Variants in SLC26A7 observed in about 807,000 individuals in gnomAD.
The protein encoded by SLC26A7 is solute carrier family 26 member 7.
A neutral mutation model predicts 82.5 loss-of-function variants in SLC26A7; 59 were observed. That is an observed-to-expected ratio of 0.72 (90% CI 0.58 to 0.89). The LOEUF (loss-of-function observed/expected upper bound fraction) is 0.89, where lower values mean the gene tolerates loss of function less well. Among genes scored for constraint, SLC26A7 ranks in the 40% least tolerant of loss-of-function variants. The pLI is 0.00. For synonymous variants in SLC26A7, 271 were observed against 274.3 expected, an observed-to-expected ratio of 0.99 and a Z score of 0.12; for missense variants, 820 against 793.0, an observed-to-expected ratio of 1.03 and a Z score of -0.41.
rs1036158584 is a variant in SLC26A7, at chr8:91,396,325, G to A, written c.*1228G>A. 18 of 151,848 alleles carry A rather than the reference G, an allele frequency of 1.2e-4. No individual in the cohort carries two copies. The highest frequency in any genetic ancestry group is 2.7e-4 in the African/African-American group (11 of 41,356). The allele number at this position is 151,848 out of a possible 1,614,324, so 9.4% of individuals were successfully genotyped here. ...TTAAGCTTTTAACAGCATTTTAACCGCTCTAAAAATTACCAGAGTAAGAAA... is the reference window on the plus strand; with the variant it reads ...TTAAGCTTTTAACAGCATTTTAACCACTCTAAAAATTACCAGAGTAAGAAA... On this transcript the variant is annotated 3_prime_UTR_variant, in exon 19 of 19. Transcript: ENST00000276609.
Position 91,254,299 on chromosome 8 carries a change from C to T in SLC26A7, c.193+4455C>T, listed in dbSNP as rs565502917. On this transcript the variant is annotated intron_variant, in intron 2 of 18. Coordinates refer to ENST00000276609, the MANE Select transcript of SLC26A7 (RefSeq NM_052832.4). ...GAGCCTCCTTGTTTGCCACAGCACC[C>T]ACCATTCACAGGTTCACTGCCACTC... 3.3e-5 allele frequency among the ~76,000 whole-genome samples: 5 copies of T among 152,192 alleles called. No homozygotes were observed. The South Asian group carries it at 1.0e-3, about 32-fold the overall frequency.
At chr8:91,322,958 A>T (rs566963376) in intron 5 of SLC26A7, among the ~76,000 whole-genome samples, 1 of 152,204 alleles carries the variant, frequency 6.6e-6, no homozygotes, top group Non-Finnish European at 1.5e-5. Flanking sequence ...ATAAAATGGG[A>T]TAGAAATGTC....
chr8:91,325,504 G>A (rs960472328), intron 5 of SLC26A7, among the ~76,000 whole-genome samples: 5 of 152,112 alleles, frequency 3.3e-5, no homozygotes, highest in Non-Finnish European at 7.4e-5. Context: ...GCCATAATCT[G>A]TGTATTAACA....
intron 2 of SLC26A7, among the ~76,000 whole-genome samples, chr8:91,221,916 A>G (rs1448985394): frequency 2.0e-5 from 3 of 152,088 alleles, no homozygotes; most frequent in Admixed American, 6.6e-5. Context: ...AAGAATGTCA[A>G]TGGTAGTTTG....
At chr8:91,290,582 G>A (rs889136944) in intron 3 of SLC26A7, among the ~76,000 whole-genome samples, 2 of 152,100 alleles carry the variant, frequency 1.3e-5, no homozygotes, top group Non-Finnish European at 2.9e-5. Context: ...CATTTTCCAT[G>A]TTTAAAGGAC....
intron 1 of SLC26A7, among the ~76,000 whole-genome samples, chr8:91,213,056 T>A (rs180877074): frequency 1.2e-4 from 19 of 152,224 alleles, no homozygotes; most frequent in Non-Finnish European, 2.8e-4. Context: ...TAATCTTACA[T>A]TTTATTGAGC....
At position 91,334,224 on chromosome 8, in the gene SLC26A7, G is replaced by C; in HGVS notation, c.643-71G>C. ...TTATAAAACATCATTGAGTTTATTG[G>C]GGCCATATTTTCATGTTGGTATATT... On this transcript the variant is annotated intron_variant, in intron 5 of 18. Coordinates refer to ENST00000276609, the MANE Select transcript of SLC26A7 (RefSeq NM_052832.4). 2.2e-6 allele frequency: 3 copies of C among 1,369,774 alleles called. No individual in the cohort carries two copies. In the Middle Eastern group the frequency reaches 6.4e-4, roughly 294 times the overall value. The allele number at this position is 1,369,774 out of a possible 1,614,324, so 84.9% of individuals were successfully genotyped here.
At chr8:91,282,136 T>C (rs1388775791) in intron 2 of SLC26A7, among the ~76,000 whole-genome samples, 1 of 152,176 alleles carries the variant, frequency 6.6e-6, no homozygotes, top group Non-Finnish European at 1.5e-5. Context: ...AAGTTAGTTC[T>C]AATCAGGGTA....
At position 91,249,631 on chromosome 8, in the gene SLC26A7, C is replaced by A; in HGVS notation, c.-21C>A. On this transcript the variant is annotated 5_prime_UTR_variant, in exon 2 of 19. Transcript: ENST00000276609. ...TTTTCTTGTTTAGAGAAGTTTACTT[C>A]TACAAGAAGAAATCTGAAAAATGAC... is the stretch of plus-strand genomic sequence containing the variant. 6.7e-7 allele frequency: 1 copy of A among 1,489,858 alleles called. No individual in the cohort carries two copies. The highest frequency in any genetic ancestry group is 8.9e-7 in the Non-Finnish European group (1 of 1,120,074). 92.3% of individuals were successfully genotyped at this position (1,489,858 alleles called of 1,614,324 possible). A position where few individuals can be genotyped will look rare whatever the true frequency, so the allele number is the denominator to read the frequency against.
At chr8:91,317,957 TAA>T (rs10589637) in intron 4 of SLC26A7, among the ~76,000 whole-genome samples, 8 of 121,076 alleles carry the variant, frequency 6.6e-5, no homozygotes, top group African/African-American at 2.4e-4. Flanking sequence ...TATATATATA[TAA>T]AATAAAAATA....
At chr8:91,215,294 A>G (rs1810023314) in intron 1 of SLC26A7, among the ~76,000 whole-genome samples, 1 of 152,090 alleles carries the variant, frequency 6.6e-6, no homozygotes, top group Non-Finnish European at 1.5e-5. Flanking sequence ...CTCTTTTTCT[A>G]TTCCTTGTGC....
chr8:91,334,709 A>G (rs1241758747), intron 6 of SLC26A7, among the ~76,000 whole-genome samples: 1 of 152,234 alleles, frequency 6.6e-6, no homozygotes, highest in African/African-American at 2.4e-5. Context: ...ATAAGAGAAC[A>G]TATAGCTTAA....
At chr8:91,250,993 G>C (rs1810641577) in intron 2 of SLC26A7, among the ~76,000 whole-genome samples, 1 of 151,878 alleles carries the variant, frequency 6.6e-6, no homozygotes, top group Admixed American at 6.6e-5. Flanking sequence ...CTTTTATTCA[G>C]TTTTAAATTC....
At position 91,257,928 on chromosome 8, in the gene SLC26A7, A is replaced by G. The variant is rs534974608; in HGVS notation, c.193+8084A>G. ...GCTGGGAGGCCTCGGGAAACTTACA[A>G]TCATGGCGGAAGGTGCCTCTTCACA... is the stretch of plus-strand genomic sequence containing the variant. On this transcript the variant is annotated intron_variant, in intron 2 of 18. Transcript: ENST00000276609. 3.3e-5 allele frequency among the ~76,000 whole-genome samples: 5 copies of G among 152,204 alleles called. No homozygotes were observed. The East Asian group carries it at 9.7e-4, about 29-fold the overall frequency.
chr8:91,362,398 A>G lies in SLC26A7; in HGVS notation c.1360A>G (p.Asn454Asp). The G allele has an allele frequency of 6.2e-7, 1 of 1,613,380 alleles. No individual in the cohort carries two copies. The highest frequency in any genetic ancestry group is 1.1e-5 in the South Asian group (1 of 91,030). The change falls in exon 12 of 19, where the codon AAT becomes GAT. Residue 454 changes from asparagine to aspartate, a missense_variant. By Grantham distance (23) the Asn-to-Asp change is conservative. Coordinates refer to ENST00000276609, the MANE Select transcript of SLC26A7 (RefSeq NM_052832.4). ...TGTATTTACAATATGCTTTGCTGCC[A>G]ATGTGGGACTGCTGTTTGGTGTTGT... ...TYVFTICFAANVGLLFGVVCT... is the reference protein window; with the variant it reads ...TYVFTICFAADVGLLFGVVCT...
chr8:91,304,097 GCT>G (rs1471557440), intron 4 of SLC26A7, among the ~76,000 whole-genome samples: 2 of 152,176 alleles, frequency 1.3e-5, no homozygotes, highest in Non-Finnish European at 2.9e-5. Flanking sequence ...TATTTGACAA[GCT>G]CTGTTCTAAG....
At chr8:91,218,377 T>A (rs1256176367) in intron 1 of SLC26A7, among the ~76,000 whole-genome samples, 1 of 152,220 alleles carries the variant, frequency 6.6e-6, no homozygotes, top group African/African-American at 2.4e-5. Context: ...GTACAAAAAT[T>A]TAATTCATGT....
At chr8:91,320,081 CTTGGGACGAG>C (rs1432229061) in intron 5 of SLC26A7, among the ~76,000 whole-genome samples, 2 of 151,694 alleles carry the variant, frequency 1.3e-5, no homozygotes, top group African/African-American at 4.8e-5. Flanking sequence ...TCTTTTTTTT[CTTGGGACGAG>C]TCTCACTTGT....
chr8:91,265,601 G>A (rs2130724551), intron 2 of SLC26A7, among the ~76,000 whole-genome samples: 1 of 152,052 alleles, frequency 6.6e-6, no homozygotes, highest in Non-Finnish European at 1.5e-5. Context: ...ATTCAGGTGA[G>A]GTGCATCATT....
Sources: gnomAD v4.1 joint callset for allele counts (sites outside exome capture counted in the v4.1 genomes callset) on GRCh38, gnomAD v4.1.1 for gene constraint, MANE v1.5 for transcripts, NCBI Gene and HGNC (gene_info 2026-07-23, HGNC 2026-07-21) for gene names.